LDB1: variants seen among roughly 807,000 people sequenced by gnomAD.
The protein encoded by LDB1 is LIM domain binding 1, also known as LIM domain-binding protein 1.
Under a neutral mutation model 49.7 loss-of-function variants are expected in LDB1, and 6 were observed. The ratio of observed to expected loss-of-function variants is 0.12; its 90% CI spans 0.07 to 0.24. LDB1 has a LOEUF of 0.24. Ranked by LOEUF, LDB1 falls within the 10% of genes least tolerant of loss-of-function variation. The pLI is 1.00. For synonymous variants in LDB1, 233 were observed against 202.0 expected, an observed-to-expected ratio of 1.15 and a Z score of -1.30; for missense variants, 341 against 561.7, an observed-to-expected ratio of 0.61 and a Z score of 3.97.
upstream of LDB1, chr10:102,120,411 G>C (rs1318662499): frequency 1.0e-6 from 1 of 983,994 alleles, no homozygotes; most frequent in Non-Finnish European, 1.2e-6. Flanking sequence ...GCGTGTCTGT[G>C]CGCTCCCGCC....
At position 102,107,864 on chromosome 10, in the gene LDB1, C is replaced by T. The variant is rs1196968492; in HGVS notation, c.*229G>A. The stretch of plus-strand genomic sequence containing the variant: ...GGCCCAGGTTCCAAGTAGGCATCCA[C>T]ATGAGTACCCCCTCCCCCTAAAAGG... On this transcript the variant is annotated 3_prime_UTR_variant, in exon 11 of 11. Transcript: ENST00000673968. The T allele has an allele frequency of 1.7e-6, 1 of 583,554 alleles. No individual in the cohort carries two copies. The highest frequency in any genetic ancestry group is 3.1e-6 in the Non-Finnish European group (1 of 326,556). 36.1% of individuals were successfully genotyped at this position (583,554 alleles called of 1,614,324 possible).
intron 1 of LDB1, 25 bp downstream of exon 1, chr10:102,120,061 C>T: frequency 7.0e-7 from 1 of 1,427,690 alleles, no homozygotes; most frequent in Non-Finnish European, 9.3e-7. Flanking sequence ...CAGGAAGGGG[C>T]CGAGTGGCCG....
At chr10:102,119,972 C>T in intron 1 of LDB1, 114 bp downstream of exon 1, 1 of 777,470 alleles carries the variant, frequency 1.3e-6, no homozygotes, top group Non-Finnish European at 1.9e-6. Context: ...TTCCAGCCCC[C>T]GGCTTCCCCC....
chr10:102,113,526 G>A (rs1024786171), intron 1 of LDB1, among the ~76,000 whole-genome samples: 1 of 152,166 alleles, frequency 6.6e-6, no homozygotes, highest in Non-Finnish European at 1.5e-5. Context: ...TCCACAGACA[G>A]GCAGACTAAG....
chr10:102,104,939 G>A (rs1757945734), downstream of LDB1, among the ~76,000 whole-genome samples: 1 of 152,100 alleles, frequency 6.6e-6, no homozygotes, highest in South Asian at 2.1e-4. Flanking sequence ...CACCTAGAAT[G>A]GGCCTAGTAC....
intron 1 of LDB1, among the ~76,000 whole-genome samples, chr10:102,112,360 T>C (rs539804271): frequency 2.6e-5 from 4 of 152,342 alleles, no homozygotes; most frequent in Non-Finnish European, 4.4e-5. Context: ...TTGGATCTTC[T>C]GATTCCCACA....
chr10:102,109,297 G>C lies in LDB1; in HGVS notation c.856+87C>G, dbSNP rs931555352. On this transcript the variant is annotated intron_variant, in intron 9 of 10. Coordinates refer to ENST00000673968, the MANE Select transcript of LDB1 (RefSeq NM_001113407.3). This position sits in a 1 kb window ranked among gnomAD's most constrained non-coding sequence, Gnocchi z 5.8. ...ATTTTGTAGACCCGGGAACAAGGAA[G>C]GGGTGGGGAAAACTTCAAAAGGAAA... is the stretch of plus-strand genomic sequence containing the variant. The C allele has an allele frequency of 8.1e-6, 13 of 1,604,174 alleles. No homozygotes were observed. In the African/African-American group the frequency reaches 1.5e-4, roughly 18 times the overall value.
Position 102,109,926 on chromosome 10 carries a change from T to A in LDB1, c.643A>T (p.Met215Leu), listed in dbSNP as rs1466404255. ...GGGTCCTGCCCACGACTCACATGCA[T>A]GGCAAGGATGCTGCGGGGGATGAGC... ...RELIPRSILA[M>L]HAQDPQMLDQ... Residue 215 changes from methionine (M) to leucine (L), a missense_variant, in exon 7 of 11, where the codon ATG (methionine) becomes TTG (leucine). Transcript: ENST00000673968. The surrounding 1 kb of genome is among the most constrained non-coding windows in gnomAD (Gnocchi z 5.8). The A allele has an allele frequency of 6.2e-7, 1 of 1,609,196 alleles. No individual in the cohort carries two copies. The highest frequency in any genetic ancestry group is 1.7e-5 in the Admixed American group (1 of 59,926).
rs1324921954 is a variant in LDB1, at chr10:102,110,312, C to T, written c.525+217G>A. On this transcript the variant is annotated intron_variant, in intron 6 of 10. Transcript: ENST00000673968. ...CCACCTGCTCTAAGCTATATGAGGG[C>T]AGACTCTTGTTCACTCGTGTAGCCT... The T allele has an allele frequency of 1.3e-5, 8 of 627,702 alleles. No homozygotes were observed. In the African/African-American group the frequency reaches 1.3e-4, roughly 10 times the overall value. 38.9% of individuals were successfully genotyped at this position (627,702 alleles called of 1,614,324 possible).
chr10:102,120,667 C>T (rs2133542383), upstream of LDB1, among the ~76,000 whole-genome samples: 1 of 152,248 alleles, frequency 6.6e-6, no homozygotes, highest in Admixed American at 6.5e-5. Flanking sequence ...TGTGACGCAG[C>T]TTTTAAAAAA....
At chr10:102,114,954 C>T (rs2068315880) in intron 1 of LDB1, 1 of 511,498 alleles carries the variant, frequency 2.0e-6, no homozygotes, top group African/African-American at 2.1e-5. Flanking sequence ...CCCTTTCTCT[C>T]CCTGCCTCCC....
intron 1 of LDB1, among the ~76,000 whole-genome samples, chr10:102,115,862 G>T (rs1178849993): frequency 6.6e-6 from 1 of 152,016 alleles, no homozygotes; most frequent in African/African-American, 2.4e-5. Flanking sequence ...TAAAACTTGG[G>T]TAGTGGGCCA....
intron 6 of LDB1, 55 bp from the exon 7 acceptor site, chr10:102,110,098 T>A: frequency 1.3e-6 from 2 of 1,572,456 alleles, no homozygotes; most frequent in Non-Finnish European, 1.7e-6. Flanking sequence ...TACCTGAAGG[T>A]ATGTCTATTA....
upstream of LDB1, among the ~76,000 whole-genome samples, chr10:102,120,689 C>CA (rs2068408915): frequency 6.6e-6 from 1 of 152,150 alleles, no homozygotes; most frequent in Admixed American, 6.5e-5. Context: ...GAGACGGAGG[C>CA]AGAGACCCCA....
chr10:102,106,119 C>T (rs1027690273), downstream of LDB1, among the ~76,000 whole-genome samples: 1 of 152,112 alleles, frequency 6.6e-6, no homozygotes, highest in Non-Finnish European at 1.5e-5. Context: ...CCCTCTCCCA[C>T]CCCTCCCTCA....
At chr10:102,114,812 G>GGCCCCCCCCCCCC in intron 1 of LDB1, 1 of 929,814 alleles carries the variant, frequency 1.1e-6, no homozygotes, top group Non-Finnish European at 1.3e-6. Flanking sequence ...CCTCCGAGCA[G>GGCCCCCCCCCCCC]CCCGCCCGCC....
At chr10:102,106,173 A>C (rs559641046), downstream of LDB1, among the ~76,000 whole-genome samples, 1 of 152,026 alleles carries the variant, frequency 6.6e-6, no homozygotes, top group Admixed American at 6.6e-5. Context: ...CTGCCCCAGG[A>C]GGGCCACCTG....
chr10:102,112,344 T>C (rs2068267816), intron 1 of LDB1, among the ~76,000 whole-genome samples: 1 of 152,222 alleles, frequency 6.6e-6, no homozygotes, highest in African/African-American at 2.4e-5. Context: ...AAGCTAGGAC[T>C]TGAGCTTGGA....
At chr10:102,102,207 A>T (rs545337370), downstream of LDB1, among the ~76,000 whole-genome samples, 2 of 152,216 alleles carry the variant, frequency 1.3e-5, no homozygotes, top group Admixed American at 6.5e-5. Flanking sequence ...TTACAGGCGT[A>T]AGCCACCGCA....
Sources: gnomAD v4.1 joint callset for allele counts (sites outside exome capture counted in the v4.1 genomes callset) on GRCh38, gnomAD v4.1.1 for gene constraint, Gnocchi (gnomAD v3.1) non-coding constraint, MANE v1.5 for transcripts, NCBI Gene and HGNC (gene_info 2026-07-23, HGNC 2026-07-21) for gene names.